GALNT17: variants seen among roughly 807,000 people sequenced by gnomAD.
The protein encoded by GALNT17 is UDP-GalNAc:polypeptide N-acetylgalactosaminyltransferase-like 3.
In GALNT17, 29 loss-of-function variants were observed where a neutral mutation model predicts 63.7. The ratio of observed to expected loss-of-function variants is 0.46; its 90% confidence interval spans 0.34 to 0.62. The LOEUF (loss-of-function observed/expected upper bound fraction) is 0.62, where lower values mean the gene tolerates loss of function less well. Among genes scored for constraint, GALNT17 ranks in the 20% least tolerant of loss-of-function variants. The pLI is 0.01. For synonymous variants in GALNT17, 305 were observed against 318.3 expected (o/e 0.96, Z 0.45); for missense variants, 603 against 799.6 (o/e 0.75, Z 2.97).
At chr7:71,546,161 CTT>C (rs34711093) in intron 5 of GALNT17, among the ~76,000 whole-genome samples, 32 of 136,526 alleles carry the variant, frequency 2.3e-4, no homozygotes, top group Admixed American at 3.7e-4. Context: ...TTGAGGGACA[CTT>C]TTTTTTTTTT....
rs375057611 is a variant in GALNT17 at position 71,579,555 on chromosome 7, G to A, written c.1080+8153G>A. On this transcript the variant is annotated intron_variant, in intron 6 of 10. Coordinates refer to ENST00000333538, the MANE Select transcript of GALNT17 (RefSeq NM_022479.3). Reference sequence around the variant, plus strand: ...GGAGGAACCTTCTTACGGAAATGCTGTTTAAGAATTCTAAAGTGAGTTTAA... The same window carrying A: ...GGAGGAACCTTCTTACGGAAATGCTATTTAAGAATTCTAAAGTGAGTTTAA... Among the ~76,000 whole-genome samples, 210 of 152,310 alleles carry A rather than the reference G, an allele frequency of 1.4e-3. 1 individual carries two copies. The South Asian group carries it at 0.028, about 20-fold the overall frequency.
At chr7:71,593,168 A>C (rs1789835294) in intron 6 of GALNT17, among the ~76,000 whole-genome samples, 1 of 64,220 alleles carries the variant, frequency 1.6e-5, no homozygotes, top group South Asian at 7.8e-4. Flanking sequence ...TAATAATAAT[A>C]ATAATAATAA....
At chr7:71,571,197 C>T (rs66840657) in intron 5 of GALNT17, 88 bp from the exon 6 acceptor site, 34,825 of 1,049,614 alleles carry the variant, frequency 0.033, 2,985 homozygotes, top group African/African-American at 0.24. Context: ...CATGCTAGAC[C>T]GGAACCAGTA....
At chr7:71,505,584 C>A (rs117201168) in intron 5 of GALNT17, among the ~76,000 whole-genome samples, 3,401 of 151,868 alleles carry the variant, frequency 0.022, 49 homozygotes, top group African/African-American at 0.031. Flanking sequence ...TGGGTGACAG[C>A]GTGAGATTCT....
intron 1 of GALNT17, among the ~76,000 whole-genome samples, chr7:71,231,283 T>G (rs1174690335): frequency 1.3e-5 from 2 of 151,968 alleles, no homozygotes; most frequent in Non-Finnish European, 2.9e-5. Context: ...GACTTGAATC[T>G]TTTGGGAGCT....
At position 71,353,866 on chromosome 7, in the gene GALNT17, G is replaced by A. The variant is rs10230586; in HGVS notation, c.422+18133G>A. Among the ~76,000 whole-genome samples, 3 of 152,080 alleles carry A rather than the reference G, an allele frequency of 2.0e-5. No homozygotes were observed. The South Asian group carries it at 6.2e-4, about 32-fold the overall frequency. On this transcript the variant is annotated intron_variant, in intron 2 of 10. Coordinates refer to ENST00000333538, the MANE Select transcript of GALNT17 (RefSeq NM_022479.3). ...GGCTGGGTAATTTACAAATAAAAGAGGTTTAATTGACTCATGGTGTCACAG... is the reference window on the plus strand; with the variant it reads ...GGCTGGGTAATTTACAAATAAAAGAAGTTTAATTGACTCATGGTGTCACAG...
intron 1 of GALNT17, among the ~76,000 whole-genome samples, chr7:71,226,173 TC>T (rs1789676516): frequency 6.6e-6 from 1 of 152,224 alleles, no homozygotes; most frequent in African/African-American, 2.4e-5. Flanking sequence ...GACACCAGGG[TC>T]CTTCTTTAGG....
chr7:71,387,511 G>A (rs1349395473), intron 2 of GALNT17, among the ~76,000 whole-genome samples: 1 of 151,856 alleles, frequency 6.6e-6, no homozygotes, highest in African/African-American at 2.4e-5. Context: ...TTGTTTATAG[G>A]TACAGGATCT....
intron 1 of GALNT17, among the ~76,000 whole-genome samples, chr7:71,159,945 C>A (rs566416630): frequency 6.6e-6 from 1 of 152,030 alleles, no homozygotes; most frequent in South Asian, 2.1e-4. Flanking sequence ...CCACTCAGAT[C>A]TAATTTTTAA....
chr7:71,699,114 G>A (rs1791588484), intron 9 of GALNT17, among the ~76,000 whole-genome samples: 1 of 137,488 alleles, frequency 7.3e-6, no homozygotes, highest in South Asian at 2.4e-4. Flanking sequence ...GGAGGTTGTA[G>A]TGAGCCAAGA....
intron 5 of GALNT17, among the ~76,000 whole-genome samples, chr7:71,488,574 CTTTTTTTTTTTT>C (rs965444360): frequency 1.4e-4 from 14 of 100,664 alleles, no homozygotes; most frequent in Admixed American, 1.2e-3. Context: ...ACTTGCCCTT[CTTTTTTTTTTTT>C]TTTTTTTTTT....
intron 1 of GALNT17, among the ~76,000 whole-genome samples, chr7:71,281,960 C>T (rs1355768851): frequency 1.3e-5 from 2 of 152,146 alleles, no homozygotes; most frequent in African/African-American, 4.8e-5. Context: ...CCCTCTCATC[C>T]CTACTAGGGC....
intron 1 of GALNT17, among the ~76,000 whole-genome samples, chr7:71,236,218 C>G (rs371102168): frequency 6.6e-6 from 1 of 151,920 alleles, no homozygotes; most frequent in Non-Finnish European, 1.5e-5. Context: ...AAAATCTACT[C>G]TCTTAGGAAA....
At chr7:71,144,871 G>T (rs1787985223) in intron 1 of GALNT17, among the ~76,000 whole-genome samples, 1 of 152,182 alleles carries the variant, frequency 6.6e-6, no homozygotes, top group Non-Finnish European at 1.5e-5. Flanking sequence ...TGGGACTACA[G>T]GTGCATGCCA....
chr7:71,707,748 T>C (rs1791740933), intron 9 of GALNT17, among the ~76,000 whole-genome samples: 1 of 152,154 alleles, frequency 6.6e-6, no homozygotes, highest in Non-Finnish European at 1.5e-5. Context: ...ATGACTCTCA[T>C]CCTCAAACAG....
intron 1 of GALNT17, among the ~76,000 whole-genome samples, chr7:71,261,018 G>C (rs991242057): frequency 4.6e-5 from 7 of 152,194 alleles, no homozygotes; most frequent in African/African-American, 1.4e-4. Flanking sequence ...CCTCCTGAGT[G>C]GGCAGCTGAC....
chr7:71,432,104 C>T (rs1016045685), intron 5 of GALNT17, among the ~76,000 whole-genome samples: 4 of 151,650 alleles, frequency 2.6e-5, no homozygotes, highest in South Asian at 2.1e-4. Context: ...GAACATGGGA[C>T]GCGGAGGTTG....
chr7:71,391,875 C>G (rs908419450), intron 3 of GALNT17, among the ~76,000 whole-genome samples: 1 of 152,110 alleles, frequency 6.6e-6, no homozygotes, highest in Admixed American at 6.5e-5. Context: ...TGCTTGGCTT[C>G]TGGTGAGGCC....
In GALNT17 at chr7:71,713,213, G is replaced by GGT. The variant is rs145929437; in HGVS notation, c.*1082_*1083dup. The GGT allele has an allele frequency of 7.2e-5, 11 of 152,496 alleles. No individual in the cohort carries two copies. The highest frequency in any genetic ancestry group is 2.1e-4 in the South Asian group (1 of 4,818). The allele number at this position is 152,496 out of a possible 1,614,324, so 9.4% of individuals were successfully genotyped here. A position where few individuals can be genotyped will look rare whatever the true frequency, so the allele number is the denominator to read the frequency against. On this transcript the variant is annotated 3_prime_UTR_variant, in exon 11 of 11. Transcript: ENST00000333538. ...TGTGCCTGCGTGCTGTGCGTGGCAG[G>GGT]GTGTGTGTGTGTGTGTCTGGCTGTG...
Sources: gnomAD v4.1 joint callset for allele counts (sites outside exome capture counted in the v4.1 genomes callset) on GRCh38, gnomAD v4.1.1 for gene constraint, MANE v1.5 for transcripts, NCBI Gene and HGNC (gene_info 2026-07-23, HGNC 2026-07-21) for gene names.